UEVLD: variants seen among roughly 807,000 people sequenced by gnomAD.
The protein encoded by UEVLD is UEV and lactate/malate dehyrogenase domains.
In UEVLD, 47 loss-of-function variants were observed where a neutral mutation model predicts 58.6. The ratio of observed to expected loss-of-function variants is 0.80; its 90% CI spans 0.63 to 1.02. The LOEUF (loss-of-function observed/expected upper bound fraction) is 1.02. Ranked by LOEUF, UEVLD falls within the 50% of genes least tolerant of loss-of-function variation. UEVLD has a pLI of 0.00. For missense variants in UEVLD, 510 were observed against 550.6 expected (o/e 0.93, Z 0.74); for synonymous variants, 197 against 195.3 (o/e 1.01, Z -0.07).
At chr11:18,538,272 C>A (rs926609725) in intron 9 of UEVLD, among the ~76,000 whole-genome samples, 12 of 151,882 alleles carry the variant, frequency 7.9e-5, no homozygotes, top group Middle Eastern at 3.4e-3. Flanking sequence ...TGTTCTCTTG[C>A]ACATATTCTT....
intron 9 of UEVLD, among the ~76,000 whole-genome samples, chr11:18,542,847 T>TTATTACCTC (rs1407195207): frequency 6.6e-6 from 1 of 151,580 alleles, no homozygotes; most frequent in Admixed American, 6.6e-5. Flanking sequence ...TTCAATTAAA[T>TTATTACCTC]TATTACCTCC....
At chr11:18,539,081 T>G (rs1432075735) in intron 9 of UEVLD, 1 of 146,650 alleles carries the variant, frequency 6.8e-6, no homozygotes, top group Non-Finnish European at 1.5e-5. Flanking sequence ...TAAGTTTTTT[T>G]TTTTTTTTTT....
intron 3 of UEVLD, chr11:18,570,745 C>CAAAAAAAAAAAA (rs559788859): frequency 3.0e-5 from 2 of 67,756 alleles, no homozygotes; most frequent in African/African-American, 4.4e-5. Context: ...GACACTGTTT[C>CAAAAAAAAAAAA]AAAAAAAAAA....
intron 7 of UEVLD, among the ~76,000 whole-genome samples, chr11:18,552,983 GTC>G (rs112748660): frequency 0.11 from 16,796 of 151,542 alleles, 1,156 homozygotes; most frequent in South Asian, 0.23. Context: ...GTGAAACCCC[GTC>G]TCTACTAAAA....
intron 10 of UEVLD, among the ~76,000 whole-genome samples, chr11:18,535,657 G>A (rs558195080): frequency 1.3e-5 from 2 of 152,120 alleles, no homozygotes; most frequent in South Asian, 2.1e-4. Flanking sequence ...CTGCCTATGC[G>A]GTACAGACCC....
chr11:18,586,737 G>A (rs1476851897), intron 1 of UEVLD, among the ~76,000 whole-genome samples: 1 of 152,166 alleles, frequency 6.6e-6, no homozygotes. Context: ...GCAGTGAATG[G>A]TCAGGAAACT....
chr11:18,550,775 A>T (rs533287656), intron 7 of UEVLD, among the ~76,000 whole-genome samples: 1 of 152,360 alleles, frequency 6.6e-6, no homozygotes, highest in East Asian at 1.9e-4. Flanking sequence ...GACCAAATAG[A>T]GTCTTCCATT....
intron 11 of UEVLD, among the ~76,000 whole-genome samples, chr11:18,533,950 T>A (rs1850682357): frequency 6.6e-6 from 1 of 152,148 alleles, no homozygotes. Flanking sequence ...CTGCCCCCAG[T>A]CAAAATGTTA....
rs989883514 is a variant in UEVLD at position 18,570,187 on chromosome 11, T to C, written c.357+27A>G. 3 of 1,570,610 alleles carry C rather than the reference T, an allele frequency of 1.9e-6. No homozygotes were observed. The African/African-American group carries it at 4.2e-5, about 22-fold the overall frequency. ...GGTATTTAAAAAAAAAAAAAAGCTT[T>C]CTGTAGAAAATCCAAATTGATCTTA... On this transcript the variant is annotated intron_variant, in intron 4 of 11. Transcript: ENST00000396197.
chr11:18,570,409 C>A, intron 3 of UEVLD, 32 bp from the exon 4 acceptor site: 2 of 1,493,948 alleles, frequency 1.3e-6, no homozygotes, highest in Non-Finnish European at 1.8e-6. Context: ...TATCTTCAAA[C>A]AATAATAAAG....
chr11:18,534,376 A>G lies in UEVLD; in HGVS notation c.1202T>C (p.Ile401Thr). 2 of 1,573,668 alleles carry G rather than the reference A, an allele frequency of 1.3e-6. No homozygotes were observed. The highest frequency in any genetic ancestry group is 1.7e-6 in the Non-Finnish European group (2 of 1,166,866). Residue 401 changes from isoleucine to threonine, a missense_variant, in exon 11 of 12, where the codon ATT becomes ACT. Physicochemically the swap from Ile to Thr is moderately conservative, Grantham distance 89 (BLOSUM62 -1). Coordinates refer to ENST00000396197, the MANE Select transcript of UEVLD (RefSeq NM_001040697.4). The part of the protein sequence containing the change: ...GLSVADMVDS[I>T]VNNKKKVHSV... ...ATGCACTTTCTTCTTATTGTTTACA[A>G]TACTGTCAACCATGTCAGCTACTGA...
intron 7 of UEVLD, among the ~76,000 whole-genome samples, chr11:18,557,403 C>T (rs1314325509): frequency 6.6e-6 from 1 of 152,004 alleles, no homozygotes; most frequent in African/African-American, 2.4e-5. Flanking sequence ...CTGCCTGCGT[C>T]GGCTTCCCAA....
At chr11:18,557,980 A>G (rs1310450099) in intron 7 of UEVLD, among the ~76,000 whole-genome samples, 2 of 152,232 alleles carry the variant, frequency 1.3e-5, no homozygotes, top group African/African-American at 4.8e-5. Flanking sequence ...AAAACAAAGA[A>G]TAACTCCTTC....
At chr11:18,579,506 G>T in intron 1 of UEVLD, 1 of 985,270 alleles carries the variant, frequency 1.0e-6, no homozygotes, top group African/African-American at 1.7e-5. Flanking sequence ...TTTTTGGCAC[G>T]GCTCATTCAC....
At chr11:18,587,268 T>C (rs569816866) in intron 1 of UEVLD, among the ~76,000 whole-genome samples, 1 of 152,338 alleles carries the variant, frequency 6.6e-6, no homozygotes, top group East Asian at 1.9e-4. Flanking sequence ...TGAATGGTTC[T>C]TTTAATTTCA....
At chr11:18,553,763 T>C (rs1044104972) in intron 7 of UEVLD, among the ~76,000 whole-genome samples, 2 of 152,206 alleles carry the variant, frequency 1.3e-5, no homozygotes, top group African/African-American at 4.8e-5. Flanking sequence ...ACATACTATA[T>C]GATTCCATTT....
chr11:18,550,794 T>G (rs1851491182), intron 7 of UEVLD, among the ~76,000 whole-genome samples: 1 of 152,180 alleles, frequency 6.6e-6, no homozygotes, highest in African/African-American at 2.4e-5. Context: ...TTTCTATCAA[T>G]CTCTTGCAGC....
intron 5 of UEVLD, among the ~76,000 whole-genome samples, chr11:18,565,388 T>A (rs1852246154): frequency 6.6e-6 from 1 of 152,228 alleles, no homozygotes; most frequent in Non-Finnish European, 1.5e-5. Flanking sequence ...TTATTCTTGA[T>A]GAGAATCATA....
chr11:18,561,624 CTGA>C (rs1328376251), intron 6 of UEVLD, among the ~76,000 whole-genome samples: 1 of 152,094 alleles, frequency 6.6e-6, no homozygotes, highest in African/African-American at 2.4e-5. Flanking sequence ...GGCAGATTGC[CTGA>C]GGTCAGGAGC....
Sources: allele counts gnomAD v4.1 joint callset (sites outside exome capture counted in the v4.1 genomes callset), GRCh38; gene constraint gnomAD v4.1.1; transcripts MANE v1.5; gene names NCBI Gene and HGNC (gene_info 2026-07-23, HGNC 2026-07-21).